Variants in SPAG9 observed in about 807,000 individuals in gnomAD.
The protein encoded by SPAG9 is C-Jun-amino-terminal kinase-interacting protein 4.
A neutral mutation model predicts 166.5 loss-of-function variants in SPAG9; 35 were observed. The ratio of observed to expected loss-of-function variants is 0.21; its 90% CI spans 0.16 to 0.28. The LOEUF is 0.28. Ranked by LOEUF, SPAG9 falls within the 10% of genes least tolerant of loss-of-function variation. The probability of loss-of-function intolerance (pLI) is 1.00; values close to 1 mark genes in which losing one functional copy is unlikely to be tolerated. For missense variants in SPAG9, 1,235 were observed against 1,603.3 expected, an observed-to-expected ratio of 0.77 and a Z score of 3.92; for synonymous variants, 534 against 565.5, an observed-to-expected ratio of 0.94 and a Z score of 0.79.
intron 22 of SPAG9, among the ~76,000 whole-genome samples, chr17:50,986,234 G>A (rs187602406): frequency 6.2e-4 from 95 of 152,206 alleles, no homozygotes; most frequent in African/African-American, 2.2e-3. Context: ...AAGTGTGTGT[G>A]GGGGGGAAAT....
rs200757327 is a variant in SPAG9, at chr17:50,998,632, T to C, written c.1665-15A>G. ...GTCGGCTGAAACTAAAAGAAGACAG[T>C]ATGTCTGTGTGTCACATGTACTATG... On this transcript the variant is annotated splice_polypyrimidine_tract_variant and intron_variant, in intron 14 of 29. Coordinates refer to ENST00000262013, the MANE Select transcript of SPAG9 (RefSeq NM_001130528.3). 4.3e-6 allele frequency: 7 copies of C among 1,612,122 alleles called. No homozygotes were observed. In the African/African-American group the frequency reaches 9.3e-5, roughly 21 times the overall value.
chr17:51,012,048 A>G (rs1329102105), intron 9 of SPAG9, among the ~76,000 whole-genome samples: 1 of 152,202 alleles, frequency 6.6e-6, no homozygotes, highest in East Asian at 1.9e-4. Context: ...TTGTTAATAC[A>G]AACAGCATAA....
intron 1 of SPAG9, among the ~76,000 whole-genome samples, chr17:51,095,448 C>A (rs1182658652): frequency 1.3e-5 from 2 of 151,514 alleles, no homozygotes; most frequent in African/African-American, 4.8e-5. Context: ...CTCACTTGAT[C>A]TTAGCCAAAG....
At chr17:50,976,046 A>G (rs1017325979) in intron 27 of SPAG9, 7 of 666,980 alleles carry the variant, frequency 1.0e-5, no homozygotes, top group Non-Finnish European at 1.6e-5. Flanking sequence ...CCCACTTGGC[A>G]TAATACCAAG....
intron 1 of SPAG9, among the ~76,000 whole-genome samples, chr17:51,096,128 T>C (rs2048641581): frequency 6.7e-6 from 1 of 148,906 alleles, no homozygotes; most frequent in African/African-American, 2.5e-5. Context: ...GGTGGATCAT[T>C]TGAGGTTAGG....
chr17:51,038,922 C>T (rs1403998572), intron 5 of SPAG9, among the ~76,000 whole-genome samples: 1 of 152,106 alleles, frequency 6.6e-6, no homozygotes, highest in Non-Finnish European at 1.5e-5. Context: ...GTACATTTTT[C>T]TAGGTGCATC....
At chr17:51,020,461 G>T (rs2045896820) in intron 7 of SPAG9, among the ~76,000 whole-genome samples, 1 of 152,108 alleles carries the variant, frequency 6.6e-6, no homozygotes, top group Admixed American at 6.6e-5. Context: ...AGCAACCAAA[G>T]AAAGTTTTCC....
intron 25 of SPAG9, 112 bp downstream of exon 25, chr17:50,982,411 TA>T (rs1974730372): frequency 9.9e-7 from 1 of 1,012,478 alleles, no homozygotes; most frequent in East Asian, 2.5e-5. Context: ...TCAAGTGCCC[TA>T]AAACACACAG....
chr17:51,053,786 T>C (rs1235834220), intron 3 of SPAG9, among the ~76,000 whole-genome samples: 2 of 139,000 alleles, frequency 1.4e-5, no homozygotes, highest in African/African-American at 5.3e-5. Flanking sequence ...TGCAGTGCGC[T>C]ATGACTGCGC....
chr17:51,120,803 C>T lies in SPAG9; in HGVS notation c.-147G>A. ...GGGGCTGGGCCCGGCGGGGTGGGGG[C>T]CGGGGCCGGAGGAGGGGAGGGGTGG... is the stretch of plus-strand genomic sequence containing the variant. On this transcript the variant is annotated 5_prime_UTR_variant, in exon 1 of 30. Coordinates refer to ENST00000262013, the MANE Select transcript of SPAG9 (RefSeq NM_001130528.3). This position sits in a 1 kb window ranked among gnomAD's most constrained non-coding sequence, Gnocchi z 4.7. 3.6e-6 allele frequency: 2 copies of T among 553,220 alleles called. No individual in the cohort carries two copies. The highest frequency in any genetic ancestry group is 5.7e-6 in the Non-Finnish European group (2 of 351,870). 34.3% of individuals were successfully genotyped at this position (553,220 alleles called of 1,614,324 possible). A position where few individuals can be genotyped will look rare whatever the true frequency, so the allele number is the denominator to read the frequency against.
Position 51,116,039 on chromosome 17 carries a change from C to CT in SPAG9, c.303+4314dup, listed in dbSNP as rs568509028. On this transcript the variant is annotated intron_variant, in intron 1 of 29. Coordinates refer to ENST00000262013, the MANE Select transcript of SPAG9 (RefSeq NM_001130528.3). ...TCGTATGTCTACTTTTCAGAAGTTTCTTTTTTTTTTCTTTTTTCTTTTTTG... is the reference window on the plus strand; with the variant it reads ...TCGTATGTCTACTTTTCAGAAGTTTCTTTTTTTTTTTCTTTTTTCTTTTTTG... Among the ~76,000 whole-genome samples, 1,218 of 142,504 alleles carry CT rather than the reference C, an allele frequency of 8.5e-3. 7 individuals carry two copies. The highest frequency in any genetic ancestry group is 0.013 in the Non-Finnish European group (880 of 66,852). The allele number at this position is 142,504 out of a possible 152,430, so 93.5% of individuals were successfully genotyped here. A position where few individuals can be genotyped will look rare whatever the true frequency, so the allele number is the denominator to read the frequency against.
intron 2 of SPAG9, among the ~76,000 whole-genome samples, chr17:51,069,685 G>A (rs2047769269): frequency 6.6e-6 from 1 of 152,018 alleles, no homozygotes; most frequent in South Asian, 2.1e-4. Context: ...ATCTAGTGGA[G>A]TGCTTATTCT....
chr17:51,000,750 T>C (rs2044903802), intron 13 of SPAG9, among the ~76,000 whole-genome samples: 1 of 99,386 alleles, frequency 1.0e-5, no homozygotes, highest in Non-Finnish European at 2.1e-5. Flanking sequence ...TCTCAATAAA[T>C]GAATGAATAA....
intron 1 of SPAG9, among the ~76,000 whole-genome samples, chr17:51,111,034 T>G (rs929778957): frequency 1.3e-5 from 2 of 151,630 alleles, no homozygotes; most frequent in African/African-American, 2.4e-5. Context: ...GAGAATCGCT[T>G]GAATCCAGGA....
At chr17:51,102,109 A>AC (rs1479700488) in intron 1 of SPAG9, among the ~76,000 whole-genome samples, 1 of 152,138 alleles carries the variant, frequency 6.6e-6, no homozygotes, top group Non-Finnish European at 1.5e-5. Flanking sequence ...TGGGCCATGC[A>AC]CAGTGGCTCA....
At chr17:50,974,690 TA>T in intron 28 of SPAG9, 80 bp downstream of exon 28, 1 of 1,265,266 alleles carries the variant, frequency 7.9e-7, no homozygotes, top group East Asian at 2.6e-5. Flanking sequence ...TACTTAGCCT[TA>T]GACTATTAGG....
At chr17:51,035,211 T>C (rs924043616) in intron 5 of SPAG9, among the ~76,000 whole-genome samples, 1 of 152,080 alleles carries the variant, frequency 6.6e-6, no homozygotes, top group African/African-American at 2.4e-5. Context: ...AAAAAGGATA[T>C]TAGTGGAAAA....
At chr17:51,102,723 C>T (rs1423226549) in intron 1 of SPAG9, among the ~76,000 whole-genome samples, 1 of 151,924 alleles carries the variant, frequency 6.6e-6, no homozygotes, top group Non-Finnish European at 1.5e-5. Context: ...AGGCTGGTCT[C>T]GAACCCCTGA....
In SPAG9 at chr17:50,962,507, G is replaced by A. The variant is rs1254904272; in HGVS notation, c.*3765C>T. On this transcript the variant is annotated 3_prime_UTR_variant, in exon 30 of 30. Transcript: ENST00000262013. The stretch of plus-strand genomic sequence containing the variant: ...GAAAAGACAGACATTTAGTGTTACA[G>A]AATAGCATAACCCTGTTAGAAAAGC... 1 of 152,148 alleles carries A rather than the reference G, an allele frequency of 6.6e-6. No homozygotes were observed. The highest frequency in any genetic ancestry group is 1.5e-5 in the Non-Finnish European group (1 of 68,004). The allele number at this position is 152,148 out of a possible 1,614,324, so 9.4% of individuals were successfully genotyped here.
Sources: allele counts gnomAD v4.1 joint callset (sites outside exome capture counted in the v4.1 genomes callset), GRCh38; gene constraint gnomAD v4.1.1; non-coding constraint Gnocchi (gnomAD v3.1); transcripts MANE v1.5; gene names NCBI Gene and HGNC (gene_info 2026-07-23, HGNC 2026-07-21).